The following MTCH2 variants were observed in gnomAD, a reference collection of about 807,000 sequenced individuals.
The protein encoded by MTCH2 is mitochondrial carrier 2.
In MTCH2, 25 loss-of-function variants were observed where a neutral mutation model predicts 50.6. The ratio of observed to expected loss-of-function variants is 0.49; its 90% CI spans 0.36 to 0.69. The LOEUF (loss-of-function observed/expected upper bound fraction) is 0.69. Ranked by LOEUF, MTCH2 falls within the 30% of genes least tolerant of loss-of-function variation. The pLI is 0.00. For synonymous variants in MTCH2, 106 were observed against 132.0 expected, an observed-to-expected ratio of 0.80 and a Z score of 1.35; for missense variants, 273 against 384.4, an observed-to-expected ratio of 0.71 and a Z score of 2.42.
chr11:47,629,103 G>A, intron 8 of MTCH2, 57 bp from the exon 9 acceptor site: 1 of 1,359,202 alleles, frequency 7.4e-7, no homozygotes, highest in Admixed American at 1.9e-5. Flanking sequence ...AACATGACAG[G>A]CTCTTCAGTA....
chr11:47,619,766 C>A (rs901058146), intron 12 of MTCH2, among the ~76,000 whole-genome samples: 7 of 152,012 alleles, frequency 4.6e-5, no homozygotes, highest in African/African-American at 1.7e-4. Flanking sequence ...CATGGCAAAA[C>A]CCCGTTGCTA....
intron 5 of MTCH2, among the ~76,000 whole-genome samples, chr11:47,632,164 T>C (rs1316019837): frequency 6.6e-6 from 1 of 152,122 alleles, no homozygotes; most frequent in East Asian, 1.9e-4. Context: ...ACTCACATTT[T>C]TGGGAGAAGA....
intron 4 of MTCH2, 40 bp downstream of exon 4, chr11:47,635,505 A>G: frequency 6.2e-7 from 1 of 1,607,210 alleles, no homozygotes; most frequent in Non-Finnish European, 8.5e-7. Context: ...ACAACTTGCA[A>G]GGGAAAGGCC....
chr11:47,630,437 G>A (rs2097301985), intron 8 of MTCH2, 118 bp downstream of exon 8: 8 of 889,208 alleles, frequency 9.0e-6, no homozygotes, highest in East Asian at 2.4e-5. Flanking sequence ...AGAATGTAAC[G>A]TGAGGTAAGC....
chr11:47,616,947 G>A (rs759748092), downstream of MTCH2, among the ~76,000 whole-genome samples: 5 of 152,180 alleles, frequency 3.3e-5, no homozygotes, highest in Non-Finnish European at 7.3e-5. Flanking sequence ...GCCTCCCAAA[G>A]TGCTGTGATT....
intron 8 of MTCH2, among the ~76,000 whole-genome samples, chr11:47,629,760 A>C (rs1308425732): frequency 6.6e-6 from 1 of 151,938 alleles, no homozygotes; most frequent in Non-Finnish European, 1.5e-5. Context: ...TTAAAAAAAA[A>C]AAAACAAAAA....
At chr11:47,628,610 T>C (rs895376638) in intron 9 of MTCH2, among the ~76,000 whole-genome samples, 5 of 152,192 alleles carry the variant, frequency 3.3e-5, no homozygotes, top group Non-Finnish European at 5.9e-5. Context: ...AGTCTCCTTC[T>C]GTCACCCAGG....
chr11:47,615,910 T>A (rs1360828523), downstream of MTCH2, among the ~76,000 whole-genome samples: 4 of 151,992 alleles, frequency 2.6e-5, no homozygotes, highest in Non-Finnish European at 4.4e-5. Flanking sequence ...TAAGGTTGCT[T>A]TTTTACCCTA....
chr11:47,633,888 T>A (rs998132217), intron 5 of MTCH2, among the ~76,000 whole-genome samples: 4 of 152,000 alleles, frequency 2.6e-5, no homozygotes, highest in African/African-American at 9.7e-5. Context: ...TGTGACTTCA[T>A]TAATGACAAT....
downstream of MTCH2, among the ~76,000 whole-genome samples, chr11:47,615,196 C>CCTGG (rs1370038630): frequency 4.6e-5 from 7 of 152,144 alleles, 1 homozygote; most frequent in Admixed American, 6.5e-5. Flanking sequence ...CACCACCAAG[C>CCTGG]CTGGCTAATT....
intron 11 of MTCH2, among the ~76,000 whole-genome samples, chr11:47,624,495 A>G (rs1244005628): frequency 6.6e-6 from 1 of 152,186 alleles, no homozygotes; most frequent in Non-Finnish European, 1.5e-5. Flanking sequence ...TAGAAAAGAT[A>G]AAGATTTAAA....
At chr11:47,642,235 C>A in intron 1 of MTCH2, 144 bp downstream of exon 1, 1 of 694,090 alleles carries the variant, frequency 1.4e-6, no homozygotes, top group Admixed American at 3.5e-5. Flanking sequence ...GAAGCTGTCC[C>A]TGCGGGGAGG....
chr11:47,635,373 C>A (rs1362392212), intron 4 of MTCH2, among the ~76,000 whole-genome samples, 172 bp downstream of exon 4: 2 of 152,178 alleles, frequency 1.3e-5, no homozygotes, highest in Non-Finnish European at 2.9e-5. Flanking sequence ...CCATGCCCAG[C>A]CATCCTGATG....
intron 5 of MTCH2, among the ~76,000 whole-genome samples, chr11:47,632,827 T>A (rs922950392): frequency 6.6e-6 from 1 of 151,734 alleles, no homozygotes; most frequent in Non-Finnish European, 1.5e-5. Flanking sequence ...GCCTCCTGAG[T>A]AGCTGGGATT....
rs762140822 is a variant in MTCH2, at chr11:47,628,952, C to T, written c.633+1G>A. On this transcript the variant is annotated splice_donor_variant, in intron 9 of 12. Transcript: ENST00000302503. LOFTEE classifies it high-confidence loss of function. ...CACATCTCACGAAGGTCACAACCTA[C>T]CCCACTGTCCAGTGCATAGGTATTG... is the stretch of plus-strand genomic sequence containing the variant. 2 of 1,612,330 alleles carry T rather than the reference C, an allele frequency of 1.2e-6. No homozygotes were observed. Among genetic ancestry groups the T allele is most frequent in the Non-Finnish European group, 1.7e-6 (2 of 1,178,554 alleles).
intron 4 of MTCH2, 142 bp from the exon 5 acceptor site, chr11:47,634,876 G>C: frequency 1.9e-6 from 1 of 518,208 alleles, no homozygotes; most frequent in East Asian, 3.7e-5. Context: ...GGGTACAAGT[G>C]CTTCTCCTGC....
At chr11:47,625,493 C>G (rs1156505585) in intron 11 of MTCH2, among the ~76,000 whole-genome samples, 181 bp downstream of exon 11, 1 of 150,646 alleles carries the variant, frequency 6.6e-6, no homozygotes, top group Non-Finnish European at 1.5e-5. Context: ...ATAGGGCATA[C>G]AAAGAAAAAA....
At chr11:47,635,166 C>T (rs1332831248) in intron 4 of MTCH2, among the ~76,000 whole-genome samples, 1 of 151,992 alleles carries the variant, frequency 6.6e-6, no homozygotes, top group Admixed American at 6.6e-5. Flanking sequence ...GCAGTCTTGA[C>T]GTCCTGGACT....
downstream of MTCH2, among the ~76,000 whole-genome samples, chr11:47,614,769 G>C (rs893916108): frequency 1.3e-5 from 2 of 152,102 alleles, no homozygotes; most frequent in African/African-American, 4.8e-5. Flanking sequence ...GTAGAGATGG[G>C]GTTTCACCAT....
Sources: allele counts gnomAD v4.1 joint callset (sites outside exome capture counted in the v4.1 genomes callset), GRCh38; gene constraint gnomAD v4.1.1; transcripts MANE v1.5; gene names NCBI Gene and HGNC (gene_info 2026-07-23, HGNC 2026-07-21).